CHD6: variants seen among roughly 807,000 people sequenced by gnomAD.
CHD6 encodes the protein chromodomain helicase DNA binding protein 6.
CHD6 carries 50 observed loss-of-function variants against 276.9 expected under a neutral mutation model. That is an observed-to-expected ratio of 0.18 (90% confidence interval 0.14 to 0.23). CHD6 has a LOEUF of 0.23. CHD6 is among the 10% of genes least tolerant of loss of function. CHD6 has a pLI of 1.00. For missense variants in CHD6, 2,564 were observed against 3,365.8 expected, an observed-to-expected ratio of 0.76 and a Z score of 5.89; for synonymous variants, 1,173 against 1,229.3, an observed-to-expected ratio of 0.95 and a Z score of 0.96.
chr20:41,518,519 G>A (rs932230275), intron 3 of CHD6, among the ~76,000 whole-genome samples: 1 of 152,188 alleles, frequency 6.6e-6, no homozygotes. Context: ...GATTTTCCCA[G>A]ACAGAAGCTG....
At position 41,403,590 on chromosome 20, in the gene CHD6, T is replaced by TG; in HGVS notation, c.*1002dup. 1.9e-6 allele frequency: 2 copies of TG among 1,063,128 alleles called. No individual in the cohort carries two copies. Among genetic ancestry groups the TG allele is most frequent in the Non-Finnish European group, 2.3e-6 (2 of 877,902 alleles). 65.9% of individuals were successfully genotyped at this position (1,063,128 alleles called of 1,614,324 possible). A position where few individuals can be genotyped will look rare whatever the true frequency, so the allele number is the denominator to read the frequency against. On this transcript the variant is annotated 3_prime_UTR_variant, in exon 37 of 37. Coordinates refer to ENST00000373233, the MANE Select transcript of CHD6 (RefSeq NM_032221.5). Reference sequence around the variant, plus strand: ...CACATTTGACAGCCTCAGACACTCTTGATCAAAGGACCTACTAGCAAGTGT... The same window carrying TG: ...CACATTTGACAGCCTCAGACACTCTTGGATCAAAGGACCTACTAGCAAGTGT...
intron 1 of CHD6, among the ~76,000 whole-genome samples, chr20:41,599,699 T>G (rs16985922): frequency 0.046 from 6,960 of 152,266 alleles, 506 homozygotes; most frequent in African/African-American, 0.16. Flanking sequence ...AAGTTCCTCT[T>G]CAAAGCTTCC....
chr20:41,492,701 T>C (rs776384615), intron 10 of CHD6, among the ~76,000 whole-genome samples: 7 of 152,240 alleles, frequency 4.6e-5, no homozygotes, highest in Non-Finnish European at 8.8e-5. Flanking sequence ...GACAGGCGGA[T>C]CACCTGAAGT....
At position 41,503,555 on chromosome 20, in the gene CHD6, C is replaced by T. The variant is rs142251340; in HGVS notation, c.853-4198G>A. Among the ~76,000 whole-genome samples, 272 of 152,244 alleles carry T rather than the reference C, an allele frequency of 1.8e-3. 1 individual carries two copies. The highest frequency in any genetic ancestry group is 6.2e-3 in the African/African-American group (258 of 41,548). ...GTACTACTTAATACAATATTATCCA[C>T]CAGATTTTCTCTTGTGGCTTTTAAA... On this transcript the variant is annotated intron_variant, in intron 5 of 36. Transcript: ENST00000373233.
In CHD6 at chr20:41,498,206, C is replaced by T. The variant is rs201340806; in HGVS notation, c.936G>A (p.Pro312=). Residue 312 remains proline, a synonymous_variant, in exon 7 of 37, where the codon CCG becomes CCA. Coordinates refer to ENST00000373233, the MANE Select transcript of CHD6 (RefSeq NM_032221.5). The part of the protein sequence containing the change: ...TVQEVHPGEP[P]FDLELFYVKY... ...TAACGTAGAACAGCTCCAAGTCGAACGGAGGTTCTCCTGGGTGAACCTGTA... is the reference window on the plus strand; with the variant it reads ...TAACGTAGAACAGCTCCAAGTCGAATGGAGGTTCTCCTGGGTGAACCTGTA... 30 of 1,611,442 alleles carry T rather than the reference C, an allele frequency of 1.9e-5. No homozygotes were observed. Among genetic ancestry groups the T allele is most frequent in the East Asian group, 4.5e-5 (2 of 44,712 alleles).
intron 20 of CHD6, 36 bp downstream of exon 20, chr20:41,454,590 G>C: frequency 6.8e-7 from 1 of 1,480,082 alleles, no homozygotes; most frequent in Non-Finnish European, 9.4e-7. Flanking sequence ...TGACATAAGT[G>C]AATGTTCCAT....
intron 27 of CHD6, among the ~76,000 whole-genome samples, chr20:41,431,884 C>A (rs1285826080): frequency 6.7e-6 from 1 of 148,422 alleles, no homozygotes; most frequent in South Asian, 2.1e-4. Context: ...ACCTTCCGGG[C>A]GCGGTGGCTC....
At chr20:41,443,917 T>C (rs567469141) in intron 25 of CHD6, among the ~76,000 whole-genome samples, 1 of 152,320 alleles carries the variant, frequency 6.6e-6, no homozygotes, top group African/African-American at 2.4e-5. Flanking sequence ...GTTTTCTGTA[T>C]GTCTATGGTG....
chr20:41,602,092 A>G (rs1201582984), intron 1 of CHD6, among the ~76,000 whole-genome samples: 1 of 152,156 alleles, frequency 6.6e-6, no homozygotes, highest in African/African-American at 2.4e-5. Flanking sequence ...GTTGTTTCCT[A>G]TTTCATTTCC....
Position 41,402,933 on chromosome 20 carries a change from C to T in CHD6, c.*1660G>A, listed in dbSNP as rs2145338817. 4.8e-6 allele frequency: 1 copy of T among 206,822 alleles called. No individual in the cohort carries two copies. 12.8% of individuals were successfully genotyped at this position (206,822 alleles called of 1,614,324 possible). ...TCTTCTATGATCAGTTATAGAATTT[C>T]TGGTTTATATCTCTGATTCATAAAA... On this transcript the variant is annotated 3_prime_UTR_variant, in exon 37 of 37. Transcript: ENST00000373233.
At chr20:41,460,600 C>T (rs1194441962) in intron 17 of CHD6, among the ~76,000 whole-genome samples, 2 of 152,228 alleles carry the variant, frequency 1.3e-5, no homozygotes, top group African/African-American at 4.8e-5. Flanking sequence ...ACCTTGGCAG[C>T]TTCCACGTGG....
chr20:41,449,236 G>C (rs1037342688), intron 23 of CHD6, among the ~76,000 whole-genome samples: 2 of 152,266 alleles, frequency 1.3e-5, no homozygotes, highest in Admixed American at 1.3e-4. Flanking sequence ...AAAGCCCAGA[G>C]AATAAGAACT....
chr20:41,405,292 G>A lies in CHD6; in HGVS notation c.7449C>T (p.Asn2483=), dbSNP rs776070490. The change falls in exon 37 of 37, where the codon AAC becomes AAT. Residue 2483 remains asparagine, a synonymous_variant. Coordinates refer to ENST00000373233, the MANE Select transcript of CHD6 (RefSeq NM_032221.5). The stretch of plus-strand genomic sequence containing the variant: ...GGGGGATGCCTGGCATATTTCTCAT[G>A]TTCTGAAGTCCTACCAGGTCCATCC... The part of the protein sequence containing the change: ...IAGMDLVGLQ[N]MRNMPGIPLT... The A allele has an allele frequency of 8.1e-6, 13 of 1,614,202 alleles. No homozygotes were observed. The South Asian group carries it at 9.9e-5, about 12-fold the overall frequency.
chr20:41,487,922 G>A, intron 13 of CHD6, 114 bp from the exon 14 acceptor site: 3 of 1,039,656 alleles, frequency 2.9e-6, no homozygotes, highest in Non-Finnish European at 4.2e-6. Flanking sequence ...ATTCTGATCT[G>A]CTTTAATGAA....
chr20:41,457,292 T>A lies in CHD6; in HGVS notation c.2801A>T (p.Asp934Val). 3.1e-6 allele frequency: 5 copies of A among 1,614,042 alleles called. No homozygotes were observed. The highest frequency in any genetic ancestry group is 4.2e-6 in the Non-Finnish European group (5 of 1,179,892). The change falls in exon 18 of 37, where the codon GAC becomes GTC. Residue 934 changes from aspartate to valine, a missense_variant. Around this residue, in one of 7 missense-constraint regions of CHD6, gnomAD observed 457 missense variants for 889.0 expected, o/e 0.51. Coordinates refer to ENST00000373233, the MANE Select transcript of CHD6 (RefSeq NM_032221.5). ...KLGLDKAVLQ[D>V]INRKGGTNGV... is the part of the protein sequence containing the mutation. ...ATTGGTGCCGCCCTTTCGGTTGATG[T>A]CCTGAAGAACAGCCTTGTCCAGCCC...
chr20:41,605,027 A>G (rs1307667368), intron 1 of CHD6, among the ~76,000 whole-genome samples: 1 of 152,184 alleles, frequency 6.6e-6, no homozygotes, highest in African/African-American at 2.4e-5. Context: ...ATATAATTAC[A>G]CTGTGATTAT....
chr20:41,535,407 G>A (rs1402160017), intron 2 of CHD6, among the ~76,000 whole-genome samples: 2 of 152,176 alleles, frequency 1.3e-5, no homozygotes, highest in African/African-American at 2.4e-5. Flanking sequence ...GATGTTAATT[G>A]ATATGCCCAA....
chr20:41,415,043 G>A (rs1276934498), intron 34 of CHD6, 143 bp downstream of exon 34: 25 of 1,449,680 alleles, frequency 1.7e-5, no homozygotes, highest in Non-Finnish European at 2.2e-5. Flanking sequence ...GAAGATGGAG[G>A]GCATCTTATA....
chr20:41,514,999 C>A (rs759739796), intron 3 of CHD6, 47 bp from the exon 4 acceptor site: 2 of 1,599,380 alleles, frequency 1.3e-6, no homozygotes, highest in African/African-American at 1.3e-5. Context: ...GTTTTTAAAA[C>A]TAAGATTTCT....
Sources: allele counts gnomAD v4.1 joint callset (sites outside exome capture counted in the v4.1 genomes callset), GRCh38; gene constraint gnomAD v4.1.1; regional missense constraint gnomAD v4.1.1; transcripts MANE v1.5; gene names NCBI Gene and HGNC (gene_info 2026-07-23, HGNC 2026-07-21).